The following CACNA1E variants were observed in gnomAD, a reference collection of about 807,000 sequenced individuals.
CACNA1E encodes the protein calcium voltage-gated channel subunit alpha1 E, also known as voltage-dependent R-type calcium channel subunit alpha-1E.
A neutral mutation model predicts 259.2 loss-of-function variants in CACNA1E; 40 were observed. That is an observed-to-expected ratio of 0.15 (90% confidence interval 0.12 to 0.20). CACNA1E has a LOEUF of 0.20. Among genes scored for constraint, CACNA1E ranks in the 10% least tolerant of loss-of-function variants. The probability of loss-of-function intolerance (pLI) is 1.00; values close to 1 mark genes in which losing one functional copy is unlikely to be tolerated. For synonymous variants in CACNA1E, 1,104 were observed against 1,138.5 expected (o/e 0.97, Z 0.61); for missense variants, 1,874 against 3,040.1 (o/e 0.62, Z 9.02).
At chr1:181,746,667 A>C (rs1424570330) in intron 25 of CACNA1E, among the ~76,000 whole-genome samples, 1 of 152,176 alleles carries the variant, frequency 6.6e-6, no homozygotes, top group East Asian at 1.9e-4. Context: ...TTCATCTGTA[A>C]CTTTTTTTTT....
chr1:181,475,573 G>A (rs1373280571), intron 2 of CACNA1E, among the ~76,000 whole-genome samples: 6 of 152,182 alleles, frequency 3.9e-5, no homozygotes, highest in Non-Finnish European at 8.8e-5. Context: ...GAATGGGCAT[G>A]ACACGTTTGT....
chr1:181,390,840 C>G (rs1261324896), intron 1 of CACNA1E, among the ~76,000 whole-genome samples: 1 of 152,102 alleles, frequency 6.6e-6, no homozygotes, highest in East Asian at 1.9e-4. Context: ...TATAGTGTGT[C>G]TCCAGTGTTG....
intron 2 of CACNA1E, among the ~76,000 whole-genome samples, chr1:181,429,494 C>T (rs1432366905): frequency 6.6e-6 from 1 of 152,204 alleles, no homozygotes; most frequent in East Asian, 1.9e-4. Flanking sequence ...GTCTCAGGCG[C>T]CTCTCAAGAA....
In CACNA1E at chr1:181,736,457, C is replaced by T. The variant is rs1290185948; in HGVS notation, c.3422+23C>T. ...CCCGTAAGCCACCCTCGCGTTGCTC[C>T]CTCTTTAGTGCTAGGGTAAACGGCC... On this transcript the variant is annotated intron_variant, in intron 22 of 47. Coordinates refer to ENST00000367573, the MANE Select transcript of CACNA1E (RefSeq NM_001205293.3). 1.9e-6 allele frequency: 3 copies of T among 1,602,236 alleles called. No homozygotes were observed. The African/African-American group carries it at 4.0e-5, about 21-fold the overall frequency.
chr1:181,726,170 A>G lies in CACNA1E; in HGVS notation c.2240+8A>G. 6.2e-7 allele frequency: 1 copy of G among 1,602,186 alleles called. No individual in the cohort carries two copies. Among genetic ancestry groups the G allele is most frequent in the African/African-American group, 1.3e-5 (1 of 74,846 alleles). On this transcript the variant is annotated splice_region_variant and intron_variant, in intron 18 of 47. Coordinates refer to ENST00000367573, the MANE Select transcript of CACNA1E (RefSeq NM_001205293.3). ...CAACATGCCTTCGATCGAGTGAGTC[A>G]GCTGCCCCCTTCACTGATCCCTGAG...
intron 3 of CACNA1E, among the ~76,000 whole-genome samples, chr1:181,574,949 C>T (rs944529865): frequency 6.6e-6 from 1 of 151,644 alleles, no homozygotes; most frequent in Non-Finnish European, 1.5e-5. Context: ...CGCTTGAACT[C>T]AGGAAGCGGA....
chr1:181,389,672 C>T (rs1656116014), intron 1 of CACNA1E, among the ~76,000 whole-genome samples: 1 of 152,160 alleles, frequency 6.6e-6, no homozygotes, highest in South Asian at 2.1e-4. Context: ...TACTTTTGGT[C>T]CCGTGTCCTC....
At chr1:181,632,563 AAT>A (rs1656848166) in intron 6 of CACNA1E, among the ~76,000 whole-genome samples, 1 of 152,192 alleles carries the variant, frequency 6.6e-6, no homozygotes, top group Non-Finnish European at 1.5e-5. Flanking sequence ...AAAAAGAATT[AAT>A]GACAGTCATA....
At chr1:181,455,622 C>T (rs919463228) in intron 2 of CACNA1E, among the ~76,000 whole-genome samples, 4 of 152,228 alleles carry the variant, frequency 2.6e-5, no homozygotes, top group South Asian at 4.1e-4. Flanking sequence ...TGCCCCAGTT[C>T]ACCTTGTATT....
At chr1:181,518,466 G>A (rs1666752653) in intron 3 of CACNA1E, among the ~76,000 whole-genome samples, 1 of 152,136 alleles carries the variant, frequency 6.6e-6, no homozygotes, top group African/African-American at 2.4e-5. Context: ...CCCCCAGATG[G>A]GCAAATGATG....
chr1:181,383,924 G>A (rs1290656719), intron 1 of CACNA1E, among the ~76,000 whole-genome samples: 2 of 152,336 alleles, frequency 1.3e-5, no homozygotes, highest in African/African-American at 2.4e-5. Flanking sequence ...CTGGCAGAGG[G>A]CAGCACTGCC....
chr1:181,522,366 G>T (rs73051975), intron 3 of CACNA1E, among the ~76,000 whole-genome samples: 3,664 of 152,200 alleles, frequency 0.024, 139 homozygotes, highest in African/African-American at 0.083. Flanking sequence ...TCAAATAATG[G>T]GTAAGAATTG....
At chr1:181,408,690 A>G (rs1348328933) in intron 1 of CACNA1E, among the ~76,000 whole-genome samples, 1 of 152,170 alleles carries the variant, frequency 6.6e-6, no homozygotes, top group Non-Finnish European at 1.5e-5. Context: ...CAGGATCCCC[A>G]TAATTTAAAA....
At chr1:181,386,497 G>C (rs1331850494) in intron 1 of CACNA1E, among the ~76,000 whole-genome samples, 2 of 152,160 alleles carry the variant, frequency 1.3e-5, no homozygotes, top group African/African-American at 4.8e-5. Context: ...TCATCTGAAG[G>C]ACACCGAAGG....
intron 3 of CACNA1E, among the ~76,000 whole-genome samples, chr1:181,571,187 G>A (rs1384256162): frequency 6.6e-6 from 1 of 152,152 alleles, no homozygotes; most frequent in Non-Finnish European, 1.5e-5. Flanking sequence ...TAAGAAAACT[G>A]TAGCTCAGAG....
intron 1 of CACNA1E, among the ~76,000 whole-genome samples, chr1:181,337,275 C>T (rs1488389421): frequency 6.6e-6 from 1 of 151,888 alleles, no homozygotes; most frequent in African/African-American, 2.4e-5. Flanking sequence ...CCTGCCTCAG[C>T]CTCCCGAGTA....
At chr1:181,540,103 G>C (rs1027961602) in intron 3 of CACNA1E, among the ~76,000 whole-genome samples, 1 of 152,182 alleles carries the variant, frequency 6.6e-6, no homozygotes, top group African/African-American at 2.4e-5. Context: ...AGACCCTTCA[G>C]ATTGTTTATA....
At chr1:181,378,831 C>T (rs1655272779) in intron 1 of CACNA1E, among the ~76,000 whole-genome samples, 1 of 152,110 alleles carries the variant, frequency 6.6e-6, no homozygotes, top group Non-Finnish European at 1.5e-5. Context: ...TTCTGCAAAA[C>T]AAAATTTAAA....
At chr1:181,415,528 A>G (rs1403199895) in intron 2 of CACNA1E, among the ~76,000 whole-genome samples, 1 of 152,170 alleles carries the variant, frequency 6.6e-6, no homozygotes, top group Non-Finnish European at 1.5e-5. Flanking sequence ...ACCAGAGGGT[A>G]TAGGGACAAA....
Sources: allele counts gnomAD v4.1 joint callset (sites outside exome capture counted in the v4.1 genomes callset), GRCh38; gene constraint gnomAD v4.1.1; transcripts MANE v1.5; gene names NCBI Gene and HGNC (gene_info 2026-07-23, HGNC 2026-07-21).